ELMO1: variants seen among roughly 807,000 people sequenced by gnomAD.
ELMO1 encodes the protein engulfment and cell motility 1.
A neutral mutation model predicts 98.9 loss-of-function variants in ELMO1; 26 were observed. That is an observed-to-expected ratio of 0.26 (90% CI 0.19 to 0.36). The LOEUF (loss-of-function observed/expected upper bound fraction) is 0.36, where lower values mean the gene tolerates loss of function less well. Among genes scored for constraint, ELMO1 ranks in the 10% least tolerant of loss-of-function variants. The probability of loss-of-function intolerance (pLI) is 1.00; values close to 1 mark genes in which losing one functional copy is unlikely to be tolerated. For missense variants in ELMO1, 627 were observed against 935.2 expected (o/e 0.67, Z 4.30); for synonymous variants, 346 against 346.0 (o/e 1.00, Z 0.00).
At chr7:37,435,662 C>A (rs541252545) in intron 1 of ELMO1, among the ~76,000 whole-genome samples, 1 of 152,216 alleles carries the variant, frequency 6.6e-6, no homozygotes, top group Non-Finnish European at 1.5e-5. Context: ...GAGTCTCAGA[C>A]TGTTTCATTA....
chr7:37,340,736 T>C (rs1800669211), intron 2 of ELMO1, among the ~76,000 whole-genome samples: 1 of 152,150 alleles, frequency 6.6e-6, no homozygotes, highest in African/African-American at 2.4e-5. Flanking sequence ...AAGCAGATAA[T>C]TTAAAAATAT....
chr7:37,066,384 C>T (rs1796964650), intron 15 of ELMO1, among the ~76,000 whole-genome samples: 1 of 152,152 alleles, frequency 6.6e-6, no homozygotes, highest in Non-Finnish European at 1.5e-5. Context: ...TGAGGCAAAA[C>T]TGAATCTCTC....
At chr7:37,048,754 C>T (rs1795937131) in intron 15 of ELMO1, among the ~76,000 whole-genome samples, 1 of 152,116 alleles carries the variant, frequency 6.6e-6, no homozygotes, top group Admixed American at 6.5e-5. Flanking sequence ...TTATGTATTA[C>T]CTTAGCTCAA....
intron 20 of ELMO1, among the ~76,000 whole-genome samples, chr7:36,863,573 C>T (rs1802802309): frequency 6.6e-6 from 1 of 152,164 alleles, no homozygotes; most frequent in African/African-American, 2.4e-5. Context: ...GAGAAACTAA[C>T]CTCTCCCTCT....
At chr7:37,132,483 G>A (rs900276339) in intron 14 of ELMO1, among the ~76,000 whole-genome samples, 1 of 152,076 alleles carries the variant, frequency 6.6e-6, no homozygotes, top group African/African-American at 2.4e-5. Flanking sequence ...GGCTCCAACC[G>A]AGCAGCCCTG....
chr7:37,439,594 G>A (rs1805308287), intron 1 of ELMO1, among the ~76,000 whole-genome samples: 1 of 152,172 alleles, frequency 6.6e-6, no homozygotes, highest in Non-Finnish European at 1.5e-5. Context: ...TATGATCAGG[G>A]CTATAAGCCC....
chr7:37,231,852 A>C (rs1794191461), intron 8 of ELMO1, among the ~76,000 whole-genome samples: 1 of 151,976 alleles, frequency 6.6e-6, no homozygotes. Context: ...AGTCTGTACT[A>C]ATTTTTTTTT....
At chr7:37,330,503 G>A (rs1284406124) in intron 2 of ELMO1, among the ~76,000 whole-genome samples, 1 of 151,884 alleles carries the variant, frequency 6.6e-6, no homozygotes, top group African/African-American at 2.4e-5. Context: ...AGGGGCATAT[G>A]TTCCAAGACC....
chr7:37,147,139 G>C (rs1377370500), intron 13 of ELMO1, among the ~76,000 whole-genome samples: 1 of 152,128 alleles, frequency 6.6e-6, no homozygotes, highest in East Asian at 1.9e-4. Flanking sequence ...AGAGATTAAG[G>C]GAAATCTGGC....
intron 1 of ELMO1, among the ~76,000 whole-genome samples, chr7:37,434,813 ATTCT>A (rs1805079629): frequency 6.6e-6 from 1 of 152,070 alleles, no homozygotes; most frequent in South Asian, 2.1e-4. Context: ...ACCCAGTAAA[ATTCT>A]TTCACCCTCC....
chr7:37,239,258 T>C (rs1194313538), intron 7 of ELMO1, among the ~76,000 whole-genome samples: 1 of 152,078 alleles, frequency 6.6e-6, no homozygotes, highest in Non-Finnish European at 1.5e-5. Flanking sequence ...CTCCACCTCC[T>C]GGGTTCAAGC....
At chr7:37,041,067 G>A (rs1795478329) in intron 15 of ELMO1, among the ~76,000 whole-genome samples, 1 of 152,044 alleles carries the variant, frequency 6.6e-6, no homozygotes, top group East Asian at 1.9e-4. Context: ...GCAACAGAGT[G>A]AGATTCCGTC....
intron 15 of ELMO1, among the ~76,000 whole-genome samples, chr7:37,063,936 T>C (rs1195833746): frequency 1.3e-5 from 2 of 152,132 alleles, no homozygotes; most frequent in East Asian, 1.9e-4. Context: ...GATTCCACGG[T>C]CCATTATTAC....
At chr7:37,288,267 C>T (rs1797500661) in intron 4 of ELMO1, among the ~76,000 whole-genome samples, 1 of 152,082 alleles carries the variant, frequency 6.6e-6, no homozygotes, top group Non-Finnish European at 1.5e-5. Flanking sequence ...TCTTGTTCCC[C>T]AGGCTGGAGT....
At chr7:37,226,195 A>T (rs1793866478) in intron 8 of ELMO1, among the ~76,000 whole-genome samples, 1 of 152,224 alleles carries the variant, frequency 6.6e-6, no homozygotes, top group South Asian at 2.1e-4. Flanking sequence ...AATAATGTGA[A>T]GAAGTGCAGT....
At chr7:37,376,525 C>T (rs1230381752) in intron 1 of ELMO1, among the ~76,000 whole-genome samples, 1 of 152,140 alleles carries the variant, frequency 6.6e-6, no homozygotes, top group Non-Finnish European at 1.5e-5. Flanking sequence ...TCTGGTGAAC[C>T]GACTACCACC....
intron 13 of ELMO1, among the ~76,000 whole-genome samples, chr7:37,208,794 G>A (rs1792792405): frequency 6.6e-6 from 1 of 152,054 alleles, no homozygotes; most frequent in Non-Finnish European, 1.5e-5. Context: ...CTAAATAGTC[G>A]TTCCAACTTC....
chr7:37,047,200 GTT>G (rs1454950241), intron 15 of ELMO1, among the ~76,000 whole-genome samples: 1 of 152,192 alleles, frequency 6.6e-6, no homozygotes, highest in African/African-American at 2.4e-5. Context: ...TGTAATACAA[GTT>G]TGTTGAATAC....
intron 16 of ELMO1, among the ~76,000 whole-genome samples, chr7:36,931,079 C>T (rs1352469682): frequency 6.6e-6 from 1 of 152,128 alleles, no homozygotes; most frequent in African/African-American, 2.4e-5. Flanking sequence ...AAGATGAAAG[C>T]TTTGGTCACT....
Sources: allele counts gnomAD v4.1 joint callset (sites outside exome capture counted in the v4.1 genomes callset), GRCh38; gene constraint gnomAD v4.1.1; transcripts MANE v1.5; gene names NCBI Gene and HGNC (gene_info 2026-07-23, HGNC 2026-07-21).